Variants in SLC39A11 observed in about 807,000 individuals in gnomAD.
SLC39A11 encodes solute carrier family 39 member 11.
SLC39A11 carries 33 observed loss-of-function variants against 36.1 expected under a neutral mutation model. That is an observed-to-expected ratio of 0.91 (90% CI 0.69 to 1.22). The LOEUF (loss-of-function observed/expected upper bound fraction) is 1.22, where lower values mean the gene tolerates loss of function less well. SLC39A11 is among the 50% of genes most tolerant of loss of function. SLC39A11 has a pLI of 0.00. For missense variants in SLC39A11, 432 were observed against 430.3 expected (o/e 1.00, Z -0.03); for synonymous variants, 166 against 170.3 (o/e 0.97, Z 0.20).
rs560987350 is a variant in SLC39A11 at position 72,834,152 on chromosome 17, A to G, written c.601+15482T>C. On this transcript the variant is annotated intron_variant, in intron 6 of 9. Coordinates refer to ENST00000255559, the MANE Select transcript of SLC39A11 (RefSeq NM_139177.4). The stretch of plus-strand genomic sequence containing the variant: ...TCATCCAGTAGAACTTCCTGTGATC[A>G]TGGAAGCGTTCTACATCTTGTGTTG... Among the ~76,000 whole-genome samples the G allele has an allele frequency of 3.3e-5, 5 of 152,276 alleles. No individual in the cohort carries two copies. The East Asian group carries it at 5.8e-4, about 18-fold the overall frequency.
At chr17:72,764,875 A>G (rs1184744111) in intron 6 of SLC39A11, among the ~76,000 whole-genome samples, 2 of 152,200 alleles carry the variant, frequency 1.3e-5, no homozygotes, top group African/African-American at 2.4e-5. Flanking sequence ...AGGTAGACCA[A>G]TCTGAAACCA....
intron 4 of SLC39A11, among the ~76,000 whole-genome samples, chr17:73,004,218 A>AGGAAGGAAAGAAAGAAAG (rs1491096618): frequency 3.5e-5 from 4 of 113,288 alleles, no homozygotes; most frequent in African/African-American, 1.3e-4. Context: ...AAAGAAAGAA[A>AGGAAGGAAAGAAAGAAAG]GAAAGAAAGA....
At chr17:72,891,186 C>T (rs1243411623) in intron 5 of SLC39A11, among the ~76,000 whole-genome samples, 1 of 152,024 alleles carries the variant, frequency 6.6e-6, no homozygotes, top group African/African-American at 2.4e-5. Context: ...CTTTGGGAGG[C>T]CAAGGTGAGT....
chr17:72,792,804 C>G (rs1044180333), intron 6 of SLC39A11, among the ~76,000 whole-genome samples: 2 of 152,186 alleles, frequency 1.3e-5, no homozygotes, highest in Non-Finnish European at 2.9e-5. Flanking sequence ...CCTTCACCAG[C>G]TCCTCCACAC....
chr17:72,847,149 TC>T (rs1391250341), intron 6 of SLC39A11, among the ~76,000 whole-genome samples: 1 of 152,152 alleles, frequency 6.6e-6, no homozygotes, highest in Non-Finnish European at 1.5e-5. Context: ...ATGCCCGTAA[TC>T]CCAGCACTTT....
At chr17:73,004,663 T>G (rs559660405) in intron 4 of SLC39A11, among the ~76,000 whole-genome samples, 1 of 152,358 alleles carries the variant, frequency 6.6e-6, no homozygotes, top group African/African-American at 2.4e-5. Context: ...TTATTTGAAG[T>G]TAAAGCGTAA....
chr17:73,054,012 C>T (rs1215915862), intron 3 of SLC39A11, among the ~76,000 whole-genome samples: 3 of 152,122 alleles, frequency 2.0e-5, no homozygotes. Flanking sequence ...TATAAATCAG[C>T]ACACATGGGG....
intron 4 of SLC39A11, among the ~76,000 whole-genome samples, chr17:73,030,084 C>T (rs1191833147): frequency 2.0e-5 from 3 of 152,194 alleles, no homozygotes; most frequent in Non-Finnish European, 2.9e-5. Flanking sequence ...CAGCCTGGAT[C>T]CCTCACATGC....
chr17:72,657,785 C>T (rs1477886077), intron 7 of SLC39A11, among the ~76,000 whole-genome samples: 1 of 152,206 alleles, frequency 6.6e-6, no homozygotes, highest in African/African-American at 2.4e-5. Flanking sequence ...TATACAGAAT[C>T]CTACAAGCTA....
intron 7 of SLC39A11, among the ~76,000 whole-genome samples, chr17:72,674,791 G>A (rs1455622987): frequency 6.6e-6 from 1 of 152,078 alleles, no homozygotes; most frequent in African/African-American, 2.4e-5. Flanking sequence ...ATAATGAGGA[G>A]GTGAGTTTCA....
chr17:72,870,646 C>T lies in SLC39A11; in HGVS notation c.431-20842G>A, dbSNP rs149923727. 9.7e-4 allele frequency among the ~76,000 whole-genome samples: 148 copies of T among 152,360 alleles called. 1 individual carries two copies. The highest frequency in any genetic ancestry group is 3.4e-3 in the Middle Eastern group (1 of 294). On this transcript the variant is annotated intron_variant, in intron 5 of 9. Transcript: ENST00000255559. ...CCTCTCCCCATTCCTCTACAGGCCA[C>T]GCTCTCCTGCAGATTTGTGGCCAAT...
At chr17:72,958,155 C>T (rs1411509272) in intron 4 of SLC39A11, among the ~76,000 whole-genome samples, 2 of 152,210 alleles carry the variant, frequency 1.3e-5, no homozygotes, top group African/African-American at 4.8e-5. Context: ...GGATAATTGG[C>T]TAAGCACATA....
rs1257945339 is a variant in SLC39A11 at position 72,840,101 on chromosome 17, G to A, written c.601+9533C>T. On this transcript the variant is annotated intron_variant, in intron 6 of 9. Coordinates refer to ENST00000255559, the MANE Select transcript of SLC39A11 (RefSeq NM_139177.4). ...AACCAACCACTGTGAACATTTTCATGTCTAAATTTGGGTTCCTGTTCCCTG... is the reference window on the plus strand; with the variant it reads ...AACCAACCACTGTGAACATTTTCATATCTAAATTTGGGTTCCTGTTCCCTG... 4.8e-5 allele frequency among the ~76,000 whole-genome samples: 7 copies of A among 146,226 alleles called. 1 individual carries two copies. Among genetic ancestry groups the A allele is most frequent in the African/African-American group, 1.8e-4 (7 of 39,566 alleles).
intron 5 of SLC39A11, among the ~76,000 whole-genome samples, chr17:72,914,246 G>A (rs1411694689): frequency 2.6e-5 from 4 of 151,540 alleles, no homozygotes; most frequent in Admixed American, 6.6e-5. Flanking sequence ...AACCCGGGAG[G>A]CAGAGCTTGC....
chr17:72,950,200 T>C (rs1598551560), intron 4 of SLC39A11, among the ~76,000 whole-genome samples: 1 of 152,228 alleles, frequency 6.6e-6, no homozygotes, highest in African/African-American at 2.4e-5. Flanking sequence ...TTAATAAAGG[T>C]GCCAACACCC....
chr17:72,736,589 G>T, intron 7 of SLC39A11, 61 bp downstream of exon 7: 1 of 1,412,452 alleles, frequency 7.1e-7, no homozygotes, highest in Non-Finnish European at 1.0e-6. Context: ...CAGGTGACAC[G>T]CACACCCAGA....
chr17:72,735,324 G>T (rs568449564), intron 7 of SLC39A11, among the ~76,000 whole-genome samples: 2 of 152,260 alleles, frequency 1.3e-5, no homozygotes, highest in South Asian at 4.1e-4. Flanking sequence ...GCAAGGAAGC[G>T]GCCTGAACAC....
intron 5 of SLC39A11, among the ~76,000 whole-genome samples, chr17:72,890,653 T>C (rs2081690412): frequency 6.6e-6 from 1 of 152,186 alleles, no homozygotes; most frequent in Non-Finnish European, 1.5e-5. Context: ...AAGTAAGCTA[T>C]CTGGCAAGAG....
intron 5 of SLC39A11, among the ~76,000 whole-genome samples, chr17:72,857,010 T>G (rs2079678777): frequency 6.6e-6 from 1 of 152,222 alleles, no homozygotes; most frequent in South Asian, 2.1e-4. Flanking sequence ...GGTTCAGGGC[T>G]ACATGTGCAG....
Sources: gnomAD v4.1 joint callset for allele counts (sites outside exome capture counted in the v4.1 genomes callset) on GRCh38, gnomAD v4.1.1 for gene constraint, MANE v1.5 for transcripts, NCBI Gene and HGNC (gene_info 2026-07-23, HGNC 2026-07-21) for gene names.